The following EFNA5 variants were observed in gnomAD, a reference collection of about 807,000 sequenced individuals.
EFNA5 encodes ephrin-A5.
Under a neutral mutation model 22.9 loss-of-function variants are expected in EFNA5, and 5 were observed. The ratio of observed to expected loss-of-function variants is 0.22; its 90% confidence interval spans 0.11 to 0.46. The LOEUF is 0.46. EFNA5 is among the 20% of genes least tolerant of loss of function. EFNA5 has a pLI of 0.99. For missense variants in EFNA5, 237 were observed against 293.3 expected (o/e 0.81, Z 1.40); for synonymous variants, 113 against 112.2 (o/e 1.01, Z -0.04).
At chr5:107,633,898 C>T (rs1179864013) in intron 1 of EFNA5, among the ~76,000 whole-genome samples, 1 of 152,060 alleles carries the variant, frequency 6.6e-6, no homozygotes, top group African/African-American at 2.4e-5. Context: ...CTAGATCTAG[C>T]CCAGGAAGTG....
At chr5:107,392,335 T>C (rs904739646) in intron 2 of EFNA5, among the ~76,000 whole-genome samples, 1 of 152,224 alleles carries the variant, frequency 6.6e-6, no homozygotes, top group Non-Finnish European at 1.5e-5. Context: ...TGTACCTTAC[T>C]TCTAGTGAAC....
chr5:107,447,832 G>C (rs1024792055), intron 1 of EFNA5, among the ~76,000 whole-genome samples: 1 of 151,364 alleles, frequency 6.6e-6, no homozygotes, highest in South Asian at 2.1e-4. Context: ...TTAAGAACAA[G>C]GGATTTTTTT....
intron 1 of EFNA5, among the ~76,000 whole-genome samples, chr5:107,649,781 C>T (rs1750693700): frequency 6.6e-6 from 1 of 152,114 alleles, no homozygotes; most frequent in Admixed American, 6.6e-5. Context: ...ATACTATGCG[C>T]CAGGCATTTT....
chr5:107,521,629 C>T (rs1013093638), intron 1 of EFNA5, among the ~76,000 whole-genome samples: 25 of 151,700 alleles, frequency 1.6e-4, no homozygotes, highest in African/African-American at 3.9e-4. Flanking sequence ...CTAGTGATTG[C>T]GCGGCTTACT....
intron 2 of EFNA5, among the ~76,000 whole-genome samples, chr5:107,412,760 T>C (rs1209002871): frequency 1.3e-5 from 2 of 152,218 alleles, no homozygotes; most frequent in Non-Finnish European, 2.9e-5. Flanking sequence ...CTCACCACTG[T>C]AGAACACTCT....
chr5:107,518,735 G>C (rs1417221482), intron 1 of EFNA5, among the ~76,000 whole-genome samples: 2 of 152,100 alleles, frequency 1.3e-5, no homozygotes, highest in African/African-American at 4.8e-5. Context: ...TTTTAGAAAA[G>C]CAACACTAGT....
intron 1 of EFNA5, among the ~76,000 whole-genome samples, chr5:107,578,022 C>G (rs1393776986): frequency 6.6e-6 from 1 of 152,144 alleles, no homozygotes; most frequent in Non-Finnish European, 1.5e-5. Flanking sequence ...CTCTCGAATT[C>G]TCAACTTTTG....
intron 1 of EFNA5, among the ~76,000 whole-genome samples, chr5:107,591,226 G>C (rs1335181007): frequency 6.6e-6 from 1 of 152,084 alleles, no homozygotes. Context: ...TTAAAAACTT[G>C]AGCCAACATT....
At chr5:107,508,565 C>T (rs1444469252) in intron 1 of EFNA5, among the ~76,000 whole-genome samples, 1 of 152,202 alleles carries the variant, frequency 6.6e-6, no homozygotes, top group Non-Finnish European at 1.5e-5. Flanking sequence ...ATAATAACTT[C>T]AGGGCTATCA....
chr5:107,573,675 G>C (rs986710568), intron 1 of EFNA5, among the ~76,000 whole-genome samples: 2 of 152,066 alleles, frequency 1.3e-5, no homozygotes, highest in South Asian at 2.1e-4. Flanking sequence ...TCTATCCCAG[G>C]GAATAACATG....
intron 1 of EFNA5, among the ~76,000 whole-genome samples, chr5:107,511,960 T>C (rs1227820749): frequency 6.6e-6 from 1 of 152,188 alleles, no homozygotes; most frequent in Non-Finnish European, 1.5e-5. Context: ...AAAATTTTCA[T>C]CTGAAAAGAC....
intron 1 of EFNA5, among the ~76,000 whole-genome samples, chr5:107,438,234 A>T (rs1749166916): frequency 6.6e-6 from 1 of 152,126 alleles, no homozygotes; most frequent in African/African-American, 2.4e-5. Flanking sequence ...ACCCCCACAC[A>T]GCCTCCTGAA....
At chr5:107,535,462 A>T (rs987623565) in intron 1 of EFNA5, among the ~76,000 whole-genome samples, 4 of 152,228 alleles carry the variant, frequency 2.6e-5, no homozygotes, top group African/African-American at 9.6e-5. Flanking sequence ...AAAAACATAG[A>T]GTCAAAAATA....
intron 1 of EFNA5, among the ~76,000 whole-genome samples, chr5:107,669,698 G>A (rs928365085): frequency 3.9e-5 from 6 of 152,112 alleles, no homozygotes; most frequent in East Asian, 3.9e-4. Context: ...GCGTTCCTCC[G>A]GCAGCACATC....
chr5:107,625,969 T>C (rs1338818566), intron 1 of EFNA5, among the ~76,000 whole-genome samples: 1 of 152,224 alleles, frequency 6.6e-6, no homozygotes, highest in Non-Finnish European at 1.5e-5. Context: ...ACAGACACAT[T>C]GAAAGCCAAT....
At chr5:107,543,342 G>T (rs1748084584) in intron 1 of EFNA5, among the ~76,000 whole-genome samples, 1 of 152,212 alleles carries the variant, frequency 6.6e-6, no homozygotes, top group African/African-American at 2.4e-5. Flanking sequence ...TTATTTTAAG[G>T]AGACATTTCA....
intron 1 of EFNA5, among the ~76,000 whole-genome samples, chr5:107,632,873 G>A (rs1021213246): frequency 2.6e-5 from 4 of 152,016 alleles, no homozygotes; most frequent in Admixed American, 6.6e-5. Flanking sequence ...AAATATTTAC[G>A]TTTTAAAATT....
intron 1 of EFNA5, among the ~76,000 whole-genome samples, chr5:107,547,504 G>C (rs1748189886): frequency 6.6e-6 from 1 of 150,600 alleles, no homozygotes; most frequent in African/African-American, 2.5e-5. Flanking sequence ...AGTTTAAAAT[G>C]TTAGCGTAAG....
In EFNA5 at chr5:107,592,592, C is replaced by T. The variant is rs1020836586; in HGVS notation, c.125+77897G>A. Among the ~76,000 whole-genome samples the T allele has an allele frequency of 2.0e-5, 3 of 152,238 alleles. 1 individual carries two copies. Among genetic ancestry groups the T allele is most frequent in the Middle Eastern group, 6.8e-3 (2 of 294 alleles). On this transcript the variant is annotated intron_variant, in intron 1 of 4. Transcript: ENST00000333274. ...AGACCAACAATATGTTATCTCTTAG[C>T]TTTAAATTTATTCCATGCAGGTTAG... is the stretch of plus-strand genomic sequence containing the variant.
Sources: allele counts gnomAD v4.1 joint callset (sites outside exome capture counted in the v4.1 genomes callset), GRCh38; gene constraint gnomAD v4.1.1; transcripts MANE v1.5; gene names NCBI Gene and HGNC (gene_info 2026-07-23, HGNC 2026-07-21).